SLC35F3: variants seen among roughly 807,000 people sequenced by gnomAD.
SLC35F3 encodes putative thiamine transporter SLC35F3.
In SLC35F3, 25 loss-of-function variants were observed where a neutral mutation model predicts 49.9. That is an observed-to-expected ratio of 0.50 (90% CI 0.37 to 0.70). The LOEUF is 0.70. Among genes scored for constraint, SLC35F3 ranks in the 30% least tolerant of loss-of-function variants. SLC35F3 has a pLI of 0.00. For synonymous variants in SLC35F3, 275 were observed against 265.4 expected (o/e 1.04, Z -0.35); for missense variants, 525 against 639.8 (o/e 0.82, Z 1.94).
At chr1:233,916,714 C>A (rs758487860) in intron 2 of SLC35F3, among the ~76,000 whole-genome samples, 15 of 152,204 alleles carry the variant, frequency 9.9e-5, no homozygotes, top group African/African-American at 3.4e-4. Flanking sequence ...GATTGTCTCT[C>A]AATACGTTGG....
At chr1:233,962,692 A>T (rs1306403968) in intron 2 of SLC35F3, among the ~76,000 whole-genome samples, 1 of 152,202 alleles carries the variant, frequency 6.6e-6, no homozygotes, top group African/African-American at 2.4e-5. Context: ...ACACTTCTTA[A>T]TTACTAAAGG....
intron 2 of SLC35F3, among the ~76,000 whole-genome samples, chr1:234,065,382 C>T (rs923566832): frequency 6.6e-6 from 1 of 152,120 alleles, no homozygotes; most frequent in Non-Finnish European, 1.5e-5. Context: ...TTCCTGATCT[C>T]GTGACTCGCC....
intron 2 of SLC35F3, among the ~76,000 whole-genome samples, chr1:234,168,744 A>G (rs1199354741): frequency 1.3e-5 from 2 of 152,180 alleles, no homozygotes; most frequent in Non-Finnish European, 2.9e-5. Flanking sequence ...TGGGATAGAA[A>G]AGTGGCTTTG....
rs1663931726 is a variant in SLC35F3, at chr1:234,023,564, A to G, written c.283+117806A>G. Among the ~76,000 whole-genome samples, 4 of 152,302 alleles carry G rather than the reference A, an allele frequency of 2.6e-5. No homozygotes were observed. The South Asian group carries it at 8.3e-4, about 32-fold the overall frequency. On this transcript the variant is annotated intron_variant, in intron 2 of 7. Transcript: ENST00000366618. ...CAGTACAAGTACAAATAACTTAGATAGACACTCCACTCTCAAGGAAGTGGA... is the reference window on the plus strand; with the variant it reads ...CAGTACAAGTACAAATAACTTAGATGGACACTCCACTCTCAAGGAAGTGGA...
intron 2 of SLC35F3, among the ~76,000 whole-genome samples, chr1:234,099,468 G>A (rs1665181066): frequency 6.6e-6 from 1 of 151,986 alleles, no homozygotes; most frequent in African/African-American, 2.4e-5. Context: ...AAATTAGCTG[G>A]GTGTGGTGGC....
intron 2 of SLC35F3, among the ~76,000 whole-genome samples, chr1:234,179,399 G>T (rs1461820496): frequency 6.6e-6 from 1 of 152,066 alleles, no homozygotes; most frequent in Non-Finnish European, 1.5e-5. Flanking sequence ...CTAATACCCG[G>T]CTCTAAAAAC....
At chr1:234,023,221 G>C (rs1663924944) in intron 2 of SLC35F3, among the ~76,000 whole-genome samples, 1 of 152,164 alleles carries the variant, frequency 6.6e-6, no homozygotes, top group Non-Finnish European at 1.5e-5. Flanking sequence ...GCCCCAATAA[G>C]TGAACCAGGG....
At chr1:234,270,176 A>G (rs1004983835) in intron 3 of SLC35F3, among the ~76,000 whole-genome samples, 7 of 152,166 alleles carry the variant, frequency 4.6e-5, no homozygotes, top group Non-Finnish European at 8.8e-5. Flanking sequence ...CCTGATTAAT[A>G]CCTTCATTCC....
intron 3 of SLC35F3, among the ~76,000 whole-genome samples, chr1:234,304,589 T>A (rs1213285077): frequency 2.0e-5 from 3 of 152,210 alleles, no homozygotes; most frequent in Admixed American, 6.5e-5. Flanking sequence ...ATCCTTCCTG[T>A]CCTTTAGTCC....
At chr1:234,069,094 T>TA (rs1260706115) in intron 2 of SLC35F3, among the ~76,000 whole-genome samples, 1 of 126,570 alleles carries the variant, frequency 7.9e-6, no homozygotes, top group East Asian at 2.1e-4. Context: ...ATATTATATA[T>TA]TATATTATAA....
chr1:234,248,233 T>C (rs542822897), intron 3 of SLC35F3, among the ~76,000 whole-genome samples: 2 of 151,376 alleles, frequency 1.3e-5, no homozygotes, highest in Admixed American at 6.6e-5. Flanking sequence ...GTCCATTGTT[T>C]GGTGGGTCGG....
intron 2 of SLC35F3, among the ~76,000 whole-genome samples, chr1:234,097,223 G>GT (rs1352233125): frequency 6.6e-6 from 1 of 152,030 alleles, no homozygotes; most frequent in Non-Finnish European, 1.5e-5. Flanking sequence ...TCTCCATACT[G>GT]TTTTCCATAG....
chr1:234,267,615 C>T (rs1197409563), intron 3 of SLC35F3, among the ~76,000 whole-genome samples: 4 of 149,604 alleles, frequency 2.7e-5, no homozygotes, highest in South Asian at 2.1e-4. Flanking sequence ...CTGGATGGGG[C>T]GGCTGGCCAG....
intron 3 of SLC35F3, among the ~76,000 whole-genome samples, chr1:234,292,103 G>C (rs760839224): frequency 4.6e-5 from 7 of 152,228 alleles, no homozygotes; most frequent in Non-Finnish European, 7.3e-5. Context: ...AGATTTGTAA[G>C]GCTTTGATGC....
At chr1:233,963,294 CTTTCTTTTTTTTT>C (rs1399520380) in intron 2 of SLC35F3, among the ~76,000 whole-genome samples, 2 of 150,084 alleles carry the variant, frequency 1.3e-5, no homozygotes, top group Non-Finnish European at 3.0e-5. Context: ...TTTTTTCTTT[CTTTCTTTTTTTTT>C]TTTCTTTTTT....
intron 3 of SLC35F3, among the ~76,000 whole-genome samples, chr1:234,299,017 C>A (rs1383622471): frequency 6.6e-6 from 1 of 152,094 alleles, no homozygotes; most frequent in Non-Finnish European, 1.5e-5. Context: ...CAGAAACCAG[C>A]AGCATGGAAC....
intron 2 of SLC35F3, among the ~76,000 whole-genome samples, chr1:234,158,808 G>T (rs1410002063): frequency 6.6e-6 from 1 of 152,150 alleles, no homozygotes; most frequent in East Asian, 1.9e-4. Flanking sequence ...GTGGACAAAA[G>T]ATCTGAGAAC....
At chr1:233,939,044 A>G (rs539291406) in intron 2 of SLC35F3, among the ~76,000 whole-genome samples, 1 of 152,304 alleles carries the variant, frequency 6.6e-6, no homozygotes, top group East Asian at 1.9e-4. Context: ...CCTTGTTATG[A>G]TGCTTCTGGT....
At chr1:234,015,447 G>A (rs1663787983) in intron 2 of SLC35F3, among the ~76,000 whole-genome samples, 1 of 151,966 alleles carries the variant, frequency 6.6e-6, no homozygotes, top group Non-Finnish European at 1.5e-5. Context: ...TGTGATACTG[G>A]CATAAAAATA....
Sources: gnomAD v4.1 joint callset for allele counts (sites outside exome capture counted in the v4.1 genomes callset) on GRCh38, gnomAD v4.1.1 for gene constraint, MANE v1.5 for transcripts, NCBI Gene and HGNC (gene_info 2026-07-23, HGNC 2026-07-21) for gene names.